The following HMGCLL1 variants were observed in gnomAD, a reference collection of about 807,000 sequenced individuals.
HMGCLL1 encodes 3-hydroxymethyl-3-methylglutaryl-CoA lyase, cytoplasmic.
A neutral mutation model predicts 39.1 loss-of-function variants in HMGCLL1; 36 were observed. The ratio of observed to expected loss-of-function variants is 0.92; its 90% confidence interval spans 0.71 to 1.22. The LOEUF is 1.22. Ranked by LOEUF, HMGCLL1 falls within the 50% of genes most tolerant of loss-of-function variation. The pLI, the probability that HMGCLL1 is intolerant of heterozygous loss-of-function variation, is 0.00. For synonymous variants in HMGCLL1, 149 were observed against 144.0 expected (o/e 1.03, Z -0.25); for missense variants, 451 against 416.5 (o/e 1.08, Z -0.72).
chr6:55,468,372 A>G (rs1764883271), intron 7 of HMGCLL1, among the ~76,000 whole-genome samples: 1 of 152,000 alleles, frequency 6.6e-6, no homozygotes, highest in South Asian at 2.1e-4. Context: ...AAGGTGCTCA[A>G]TAGATGTTTG....
chr6:55,614,728 G>A, the HMGCLL1 span, among the ~76,000 whole-genome samples: 1,495 of 151,978 alleles, frequency 9.8e-3, 24 homozygotes, highest in African/African-American at 0.023. Flanking sequence ...ACTTTTATAG[G>A]TTACTTAGTG....
chr6:55,654,468 A>G, the HMGCLL1 span, among the ~76,000 whole-genome samples: 1 of 151,970 alleles, frequency 6.6e-6, no homozygotes, highest in African/African-American at 2.4e-5. Context: ...GCTTATGAGC[A>G]TATATCCACC....
At chr6:55,640,480 TAAAG>T in the HMGCLL1 span, among the ~76,000 whole-genome samples, 1 of 151,852 alleles carries the variant, frequency 6.6e-6, no homozygotes, top group African/African-American at 2.4e-5. Context: ...TTGTGCTGTA[TAAAG>T]AAATATATTA....
chr6:55,502,611 G>A (rs1766947366), intron 5 of HMGCLL1, among the ~76,000 whole-genome samples: 1 of 151,274 alleles, frequency 6.6e-6, no homozygotes, highest in Non-Finnish European at 1.5e-5. Flanking sequence ...GTAATCTGCT[G>A]TTCAATTAAT....
At chr6:55,470,048 G>C (rs1204484370) in intron 7 of HMGCLL1, among the ~76,000 whole-genome samples, 1 of 151,870 alleles carries the variant, frequency 6.6e-6, no homozygotes, top group East Asian at 1.9e-4. Context: ...GCCTTCTCAT[G>C]ACCCTGGGGT....
chr6:55,578,903 AGT>A (rs901296195), intron 1 of HMGCLL1, 43 bp downstream of exon 1: 3 of 1,393,716 alleles, frequency 2.2e-6, no homozygotes, highest in Non-Finnish European at 3.0e-6. Context: ...GCTGGCTGTC[AGT>A]GTGCGCATGA....
chr6:55,467,521 G>A (rs1764845635), intron 7 of HMGCLL1, among the ~76,000 whole-genome samples: 1 of 151,968 alleles, frequency 6.6e-6, no homozygotes, highest in African/African-American at 2.4e-5. Context: ...TAGAAACAGA[G>A]AGCTTCTGAA....
chr6:55,501,857 G>A (rs888943548), intron 5 of HMGCLL1, among the ~76,000 whole-genome samples: 11 of 151,694 alleles, frequency 7.3e-5, no homozygotes, highest in African/African-American at 2.7e-4. Flanking sequence ...TATATTACAT[G>A]GACCTGACCG....
the HMGCLL1 span, among the ~76,000 whole-genome samples, chr6:55,618,691 T>C: frequency 6.6e-6 from 1 of 152,068 alleles, no homozygotes; most frequent in Admixed American, 6.6e-5. Context: ...ATATGCAAAG[T>C]ATCTGCAGTA....
chr6:55,657,626 C>G, the HMGCLL1 span, among the ~76,000 whole-genome samples: 1 of 151,852 alleles, frequency 6.6e-6, no homozygotes, highest in Admixed American at 6.6e-5. Context: ...CATTGTAGCA[C>G]TATTCACAAT....
chr6:55,651,895 C>G, the HMGCLL1 span, among the ~76,000 whole-genome samples: 1 of 152,038 alleles, frequency 6.6e-6, no homozygotes, highest in South Asian at 2.1e-4. Context: ...AATGTAAAGT[C>G]TCTGAGTCAC....
chr6:55,558,446 A>C (rs1164274639), intron 1 of HMGCLL1, among the ~76,000 whole-genome samples: 1 of 152,178 alleles, frequency 6.6e-6, no homozygotes, highest in East Asian at 1.9e-4. Context: ...TGTTAGGACC[A>C]TAAATTACTT....
At chr6:55,611,404 A>G in the HMGCLL1 span, among the ~76,000 whole-genome samples, 1 of 152,170 alleles carries the variant, frequency 6.6e-6, no homozygotes, top group Non-Finnish European at 1.5e-5. Flanking sequence ...AGCTGGTACT[A>G]TTCCTTCTGA....
At chr6:55,617,143 A>T in the HMGCLL1 span, among the ~76,000 whole-genome samples, 1 of 151,942 alleles carries the variant, frequency 6.6e-6, no homozygotes, top group African/African-American at 2.4e-5. Context: ...TCCTGTCACA[A>T]AAAAAACCCT....
chr6:55,513,883 A>T (rs1767594569), intron 5 of HMGCLL1, 165 bp downstream of exon 5: 1 of 592,198 alleles, frequency 1.7e-6, no homozygotes, highest in African/African-American at 1.9e-5. Flanking sequence ...ATCAGCAGTG[A>T]TGTTAATGAG....
At chr6:55,573,076 G>A (rs1472995535) in intron 1 of HMGCLL1, among the ~76,000 whole-genome samples, 1 of 152,046 alleles carries the variant, frequency 6.6e-6, no homozygotes, top group Non-Finnish European at 1.5e-5. Context: ...GAGCAACCCT[G>A]GTAAACATTT....
chr6:55,665,174 G>C, the HMGCLL1 span, among the ~76,000 whole-genome samples: 1 of 151,660 alleles, frequency 6.6e-6, no homozygotes, highest in African/African-American at 2.4e-5. Flanking sequence ...GTGTTAACAG[G>C]ATAGATATGT....
chr6:55,573,562 G>A lies in HMGCLL1; in HGVS notation c.108+5386C>T, dbSNP rs184347834. On this transcript the variant is annotated intron_variant, in intron 1 of 8. Coordinates refer to ENST00000274901, the MANE Select transcript of HMGCLL1 (RefSeq NM_001042406.2). Reference sequence around the variant, plus strand: ...CTGAAATTAAGAACTCAATAAATTAGATTAACAGCAAATTAAACAAAGCTG... The same window carrying A: ...CTGAAATTAAGAACTCAATAAATTAAATTAACAGCAAATTAAACAAAGCTG... Among the ~76,000 whole-genome samples the A allele has an allele frequency of 6.2e-3, 942 of 151,766 alleles. 7 individuals carry two copies. The highest frequency in any genetic ancestry group is 0.021 in the African/African-American group (886 of 41,394).
At chr6:55,587,418 C>T in the HMGCLL1 span, among the ~76,000 whole-genome samples, 8 of 151,962 alleles carry the variant, frequency 5.3e-5, no homozygotes, top group Non-Finnish European at 7.4e-5. Context: ...CTGAAGGAAG[C>T]ACTAAACATG....
Sources: allele counts gnomAD v4.1 joint callset (sites outside exome capture counted in the v4.1 genomes callset), GRCh38; gene constraint gnomAD v4.1.1; transcripts MANE v1.5; gene names NCBI Gene and HGNC (gene_info 2026-07-23, HGNC 2026-07-21).